The following GOSR2 variants were observed in gnomAD, a reference collection of about 807,000 sequenced individuals.
GOSR2 encodes the protein 27 kDa Golgi SNARE protein.
In GOSR2, 20 loss-of-function variants were observed where a neutral mutation model predicts 27.9. The ratio of observed to expected loss-of-function variants is 0.72; its 90% confidence interval spans 0.50 to 1.04. The LOEUF is 1.04. Ranked by LOEUF, GOSR2 falls within the 50% of genes least tolerant of loss-of-function variation. The probability of loss-of-function intolerance (pLI) is 0.00; values close to 1 mark genes in which losing one functional copy is unlikely to be tolerated. For synonymous variants in GOSR2, 91 were observed against 98.8 expected (o/e 0.92, Z 0.47); for missense variants, 261 against 270.5 (o/e 0.97, Z 0.25).
intron 1 of GOSR2, among the ~76,000 whole-genome samples, chr17:46,924,985 C>T (rs1373151027): frequency 6.6e-6 from 1 of 152,122 alleles, no homozygotes; most frequent in Admixed American, 6.5e-5. Context: ...CTTAGACTAC[C>T]TGTTTTCAGT....
intron 4 of GOSR2, 123 bp from the exon 5 acceptor site, chr17:46,934,906 C>A (rs1403556751): frequency 5.9e-6 from 5 of 853,964 alleles, no homozygotes; most frequent in Non-Finnish European, 1.0e-5. Flanking sequence ...CATTAGGGTC[C>A]GCTGATTCTT....
chr17:46,973,885 C>T (rs954264654), intron 6 of GOSR2, among the ~76,000 whole-genome samples: 11 of 152,180 alleles, frequency 7.2e-5, no homozygotes, highest in African/African-American at 2.7e-4. Flanking sequence ...CTGCTGTACC[C>T]GCCACCTCGC....
chr17:46,923,580 T>C (rs1966796704), intron 1 of GOSR2: 1 of 1,301,382 alleles, frequency 7.7e-7, no homozygotes, highest in African/African-American at 1.5e-5. Flanking sequence ...AGACACGGAG[T>C]AGGAGACACG....
chr17:46,968,028 C>A (rs2091353400), downstream of GOSR2, among the ~76,000 whole-genome samples: 1 of 152,116 alleles, frequency 6.6e-6, no homozygotes, highest in South Asian at 2.1e-4. Flanking sequence ...CTTACAGAAT[C>A]AGGACCCTGG....
At chr17:46,946,193 T>C (rs1240316639), downstream of GOSR2, among the ~76,000 whole-genome samples, 1 of 150,252 alleles carries the variant, frequency 6.7e-6, no homozygotes, top group Non-Finnish European at 1.5e-5. Flanking sequence ...CCCAGCACTT[T>C]GGGAGGCCGA....
chr17:46,938,111 C>T (rs1055993068), intron 5 of GOSR2: 2 of 204,158 alleles, frequency 9.8e-6, no homozygotes, highest in Non-Finnish European at 2.0e-5. Context: ...AATCCTCCCA[C>T]CCACCCCTCC....
downstream of GOSR2, among the ~76,000 whole-genome samples, chr17:46,942,272 G>A (rs532291944): frequency 1.3e-5 from 2 of 152,326 alleles, no homozygotes; most frequent in South Asian, 4.1e-4. Context: ...GGAAAGCCTA[G>A]GCCCTTCATA....
exon 7 of GOSR2, chr17:46,966,670 G>A (rs1357714899): frequency 3.6e-6 from 2 of 555,764 alleles, no homozygotes; most frequent in Middle Eastern, 2.6e-4. Flanking sequence ...TTGAACTCAG[G>A]CTTGGATTTG....
chr17:46,939,639 C>T lies in GOSR2; in HGVS notation c.*879C>T. Reference sequence around the variant, plus strand: ...TTAGTATCTCTAATTCTTTGGTTCCCTTCTCTTCCCTGAAATATATTAGCA... The same window carrying T: ...TTAGTATCTCTAATTCTTTGGTTCCTTTCTCTTCCCTGAAATATATTAGCA... On this transcript the variant is annotated 3_prime_UTR_variant, in exon 6 of 6. Coordinates refer to ENST00000640051, the MANE Select transcript of GOSR2 (RefSeq NM_004287.5). 2.0e-6 allele frequency: 2 copies of T among 985,648 alleles called. No homozygotes were observed. The highest frequency in any genetic ancestry group is 2.4e-6 in the Non-Finnish European group (2 of 830,108). The allele number at this position is 985,648 out of a possible 1,614,324, so 61.1% of individuals were successfully genotyped here. A position where few individuals can be genotyped will look rare whatever the true frequency, so the allele number is the denominator to read the frequency against.
chr17:46,945,777 G>A (rs75400369), downstream of GOSR2, among the ~76,000 whole-genome samples: 402 of 152,270 alleles, frequency 2.6e-3, no homozygotes, highest in Non-Finnish European at 4.4e-3. Context: ...AGGGAGTGGG[G>A]ACCTCTATAG....
chr17:46,934,901 G>A (rs1161487718), intron 4 of GOSR2, 128 bp from the exon 5 acceptor site: 1 of 816,970 alleles, frequency 1.2e-6, no homozygotes. Context: ...TTATCCATTA[G>A]GGTCCGCTGA....
At chr17:46,949,887 G>C (rs1842837920) in intron 6 of GOSR2, among the ~76,000 whole-genome samples, 4 of 152,308 alleles carry the variant, frequency 2.6e-5, no homozygotes, top group Admixed American at 2.6e-4. Flanking sequence ...AGGGAAGAAA[G>C]GCTGCAGAGG....
At chr17:46,928,337 C>T (rs3785888) in intron 1 of GOSR2, among the ~76,000 whole-genome samples, 77,923 of 151,846 alleles carry the variant, frequency 0.51, 20,081 homozygotes, top group East Asian at 0.55. Flanking sequence ...GATTTGGGGT[C>T]CTGGTTTGCA....
downstream of GOSR2, among the ~76,000 whole-genome samples, chr17:46,945,098 A>T (rs1236432493): frequency 1.3e-5 from 2 of 152,206 alleles, no homozygotes; most frequent in African/African-American, 4.8e-5. Flanking sequence ...GCTTTCTGTG[A>T]GAGGGCGAGG....
At chr17:46,925,383 A>G (rs560181775) in intron 1 of GOSR2, among the ~76,000 whole-genome samples, 1 of 152,316 alleles carries the variant, frequency 6.6e-6, no homozygotes, top group African/African-American at 2.4e-5. Context: ...TGTGCTGTGC[A>G]CCATTCTCAG....
At chr17:46,961,398 G>A (rs2147298867) in intron 6 of GOSR2, among the ~76,000 whole-genome samples, 1 of 152,238 alleles carries the variant, frequency 6.6e-6, no homozygotes, top group East Asian at 1.9e-4. Context: ...ACTGGAACAT[G>A]GTGGTGTGCA....
downstream of GOSR2, among the ~76,000 whole-genome samples, chr17:46,968,284 G>A (rs914262072): frequency 9.2e-5 from 14 of 152,026 alleles, no homozygotes; most frequent in African/African-American, 1.7e-4. Flanking sequence ...CTCTCCCTCC[G>A]CACTGTGGAC....
intron 6 of GOSR2, chr17:46,948,453 G>A (rs1225702761): frequency 6.6e-6 from 1 of 152,224 alleles, no homozygotes. Flanking sequence ...GACTTTATTT[G>A]TTACAAGATA....
chr17:46,938,096 C>T (rs2088706572), intron 5 of GOSR2: 1 of 202,610 alleles, frequency 4.9e-6, no homozygotes, highest in South Asian at 8.2e-5. Flanking sequence ...ATCCTGGCCT[C>T]AAGTAATCCT....
Sources: gnomAD v4.1 joint callset for allele counts (sites outside exome capture counted in the v4.1 genomes callset) on GRCh38, gnomAD v4.1.1 for gene constraint, MANE v1.5 for transcripts, NCBI Gene and HGNC (gene_info 2026-07-23, HGNC 2026-07-21) for gene names.